Variants in OCA2 observed in about 807,000 individuals in gnomAD.
The protein encoded by OCA2 is OCA2 melanosomal transmembrane protein.
Under a neutral mutation model 100.2 loss-of-function variants are expected in OCA2, and 77 were observed. The observed-to-expected ratio is 0.77, with a 90% CI of 0.64 to 0.93. The LOEUF is 0.93. Ranked by LOEUF, OCA2 falls within the 40% of genes least tolerant of loss-of-function variation. The probability of loss-of-function intolerance (pLI) is 0.00; values close to 1 mark genes in which losing one functional copy is unlikely to be tolerated. For synonymous variants in OCA2, 432 were observed against 439.2 expected (o/e 0.98, Z 0.21); for missense variants, 1,062 against 1,089.1 (o/e 0.98, Z 0.35).
intron 23 of OCA2, among the ~76,000 whole-genome samples, chr15:27,789,987 A>G (rs1325906478): frequency 1.3e-5 from 2 of 152,232 alleles, no homozygotes; most frequent in Non-Finnish European, 2.9e-5. Context: ...GAACTATACT[A>G]TTAGAAAAAT....
At chr15:27,740,107 G>T in the OCA2 span, among the ~76,000 whole-genome samples, 1 of 152,140 alleles carries the variant, frequency 6.6e-6, no homozygotes, top group African/African-American at 2.4e-5. Flanking sequence ...GTTGATAAAT[G>T]GCCTTGCTAT....
chr15:27,898,776 GTTA>G (rs2037810727), intron 19 of OCA2, among the ~76,000 whole-genome samples: 1 of 152,110 alleles, frequency 6.6e-6, no homozygotes, highest in African/African-American at 2.4e-5. Context: ...CAGAAGGGTT[GTTA>G]TTATTATTTG....
the OCA2 span, among the ~76,000 whole-genome samples, chr15:27,722,724 CTTCTTTCT>C: frequency 0.49 from 69,135 of 142,394 alleles, 17,866 homozygotes; most frequent in Non-Finnish European, 0.58. Flanking sequence ...TTCTCTCTTT[CTTCTTTCT>C]TTCTTTCTTC....
chr15:28,045,307 T>C (rs548412974), intron 2 of OCA2, among the ~76,000 whole-genome samples: 1 of 152,370 alleles, frequency 6.6e-6, no homozygotes, highest in South Asian at 2.1e-4. Flanking sequence ...AATATATACA[T>C]GTATGTACAC....
intron 22 of OCA2, among the ~76,000 whole-genome samples, chr15:27,846,480 C>G (rs916228183): frequency 1.3e-5 from 2 of 152,174 alleles, no homozygotes; most frequent in Admixed American, 1.3e-4. Flanking sequence ...AGTTTACAGT[C>G]AGCAACTTGC....
intron 19 of OCA2, among the ~76,000 whole-genome samples, chr15:27,922,848 CAGGTTTATTATAT>C (rs1043307333): frequency 6.6e-6 from 1 of 151,860 alleles, no homozygotes; most frequent in Admixed American, 6.6e-5. Flanking sequence ...GGTACATGTG[CAGGTTTATTATAT>C]AGGTAGACTC....
intron 23 of OCA2, among the ~76,000 whole-genome samples, chr15:27,787,965 T>C (rs1434369853): frequency 6.6e-6 from 1 of 152,084 alleles, no homozygotes; most frequent in African/African-American, 2.4e-5. Context: ...TCTTTCTTTG[T>C]GTTTTCTCTT....
intron 21 of OCA2, among the ~76,000 whole-genome samples, chr15:27,860,672 TACC>T (rs1364040680): frequency 2.0e-5 from 3 of 152,228 alleles, no homozygotes; most frequent in Admixed American, 6.5e-5. Context: ...AGTGTTTATG[TACC>T]ACATTTTCTT....
chr15:28,085,946 T>C (rs901343111), intron 1 of OCA2, among the ~76,000 whole-genome samples: 1 of 152,178 alleles, frequency 6.6e-6, no homozygotes, highest in Admixed American at 6.5e-5. Flanking sequence ...AGCCTAATAC[T>C]GCAGACCCAC....
chr15:27,755,613 A>G, intron 23 of OCA2, 141 bp from the exon 24 acceptor site: 1 of 711,048 alleles, frequency 1.4e-6, no homozygotes, highest in Non-Finnish European at 2.6e-6. Flanking sequence ...ATAAATCAGG[A>G]AGTTAGTTTT....
chr15:27,722,776 TTCTTTCTCTCTCTCTCTCTCTC>T, the OCA2 span, among the ~76,000 whole-genome samples: 4 of 32,774 alleles, frequency 1.2e-4, no homozygotes, highest in Admixed American at 1.8e-3. Context: ...TTTCTTTTCT[TTCTTTCTCTCTCTCTCTCTCTC>T]TCTTTCTCTC....
intron 19 of OCA2, among the ~76,000 whole-genome samples, chr15:27,905,357 G>A (rs572860397): frequency 6.6e-6 from 1 of 152,282 alleles, no homozygotes; most frequent in South Asian, 2.1e-4. Flanking sequence ...ACTGAAAAGA[G>A]AAAAGTGAAA....
chr15:27,851,243 C>G, intron 22 of OCA2, 139 bp downstream of exon 22: 1 of 775,576 alleles, frequency 1.3e-6, no homozygotes, highest in South Asian at 1.5e-5. Flanking sequence ...TCTGTCAAAG[C>G]TGAATATGTG....
At chr15:27,960,641 G>C (rs146928895) in intron 15 of OCA2, among the ~76,000 whole-genome samples, 1 of 150,228 alleles carries the variant, frequency 6.7e-6, no homozygotes, top group Non-Finnish European at 1.5e-5. Context: ...TCTATCTCCC[G>C]CCTGTAATCC....
At chr15:27,839,783 T>C (rs1401289203) in intron 23 of OCA2, among the ~76,000 whole-genome samples, 7 of 152,198 alleles carry the variant, frequency 4.6e-5, no homozygotes, top group Admixed American at 4.6e-4. Flanking sequence ...AGGATATAAA[T>C]GACCTAGTAT....
At chr15:27,990,872 G>C (rs2041535067) in intron 9 of OCA2, among the ~76,000 whole-genome samples, 1 of 152,192 alleles carries the variant, frequency 6.6e-6, no homozygotes, top group Non-Finnish European at 1.5e-5. Flanking sequence ...TAAATAATTA[G>C]ATGACCCTGA....
At chr15:28,090,992 G>A (rs575861197) in intron 1 of OCA2, among the ~76,000 whole-genome samples, 1 of 152,230 alleles carries the variant, frequency 6.6e-6, no homozygotes, top group African/African-American at 2.4e-5. Context: ...ATTAATGTCA[G>A]GAGTGAAACA....
At chr15:27,846,786 A>G (rs2035553906) in intron 22 of OCA2, among the ~76,000 whole-genome samples, 1 of 152,006 alleles carries the variant, frequency 6.6e-6, no homozygotes, top group Non-Finnish European at 1.5e-5. Context: ...GGAGGAAAGG[A>G]TGTTGAAGGA....
At chr15:27,755,567 T>C in intron 23 of OCA2, 95 bp from the exon 24 acceptor site, 1 of 962,046 alleles carries the variant, frequency 1.0e-6, no homozygotes, top group Admixed American at 1.8e-5. Flanking sequence ...CCTTAGCACC[T>C]TTGCATTTTC....
Sources: gnomAD v4.1 joint callset for allele counts (sites outside exome capture counted in the v4.1 genomes callset) on GRCh38, gnomAD v4.1.1 for gene constraint, MANE v1.5 for transcripts, NCBI Gene and HGNC (gene_info 2026-07-23, HGNC 2026-07-21) for gene names.